The following HUNK variants were observed in gnomAD, a reference collection of about 807,000 sequenced individuals.
HUNK encodes hormonally up-regulated neu tumor-associated kinase.
In HUNK, 21 loss-of-function variants were observed where a neutral mutation model predicts 61.0. The ratio of observed to expected loss-of-function variants is 0.34; its 90% CI spans 0.24 to 0.50. The LOEUF (loss-of-function observed/expected upper bound fraction) is 0.50, where lower values mean the gene tolerates loss of function less well. Among genes scored for constraint, HUNK ranks in the 20% least tolerant of loss-of-function variants. The pLI is 0.98. For missense variants in HUNK, 772 were observed against 945.7 expected, an observed-to-expected ratio of 0.82 and a Z score of 2.41; for synonymous variants, 371 against 386.1, an observed-to-expected ratio of 0.96 and a Z score of 0.46.
intron 4 of HUNK, among the ~76,000 whole-genome samples, chr21:31,954,480 A>C (rs895351543): frequency 6.6e-6 from 1 of 152,256 alleles, no homozygotes; most frequent in Non-Finnish European, 1.5e-5. Context: ...GTTAAATAGA[A>C]CCAAGAGTAA....
chr21:31,925,329 A>G (rs897579836), intron 2 of HUNK, among the ~76,000 whole-genome samples: 2 of 152,132 alleles, frequency 1.3e-5, no homozygotes, highest in African/African-American at 4.8e-5. Context: ...CTTCTCTCTC[A>G]GTTGGAGTAA....
chr21:31,968,407 A>G, intron 6 of HUNK, 22 bp downstream of exon 6: 2 of 1,613,910 alleles, frequency 1.2e-6, no homozygotes, highest in South Asian at 1.1e-5. Flanking sequence ...CACCCAGAGG[A>G]ACTCCTCGGG....
chr21:31,930,869 T>C (rs1024678897), intron 2 of HUNK, among the ~76,000 whole-genome samples: 3 of 152,166 alleles, frequency 2.0e-5, no homozygotes, highest in African/African-American at 7.2e-5. Flanking sequence ...TTCTAGTGAA[T>C]GGGTCTTTCA....
At chr21:31,962,072 C>T (rs1400352156) in intron 5 of HUNK, among the ~76,000 whole-genome samples, 2 of 152,222 alleles carry the variant, frequency 1.3e-5, no homozygotes, top group Admixed American at 6.5e-5. Flanking sequence ...ATTTCTGGTT[C>T]ATGCAGAGGG....
At chr21:31,902,518 A>AT (rs2052475883) in intron 1 of HUNK, among the ~76,000 whole-genome samples, 1 of 152,164 alleles carries the variant, frequency 6.6e-6, no homozygotes, top group Non-Finnish European at 1.5e-5. Context: ...CTCCAAAAAA[A>AT]AAAATCTTCT....
At chr21:31,952,205 C>CT (rs11284285) in intron 4 of HUNK, among the ~76,000 whole-genome samples, 122 of 147,892 alleles carry the variant, frequency 8.2e-4, no homozygotes, top group East Asian at 1.4e-3. Context: ...AGTCTACTTT[C>CT]TTTTTTTTTT....
chr21:31,950,214 G>C (rs992554163), intron 4 of HUNK, among the ~76,000 whole-genome samples: 6 of 152,186 alleles, frequency 3.9e-5, no homozygotes, highest in African/African-American at 1.4e-4. Flanking sequence ...GGAACAAGAT[G>C]GAGTGGCCTC....
At position 31,974,627 on chromosome 21, in the gene HUNK, C is replaced by T. The variant is rs762567981; in HGVS notation, c.1083C>T (p.Asp361=). 1.1e-5 allele frequency: 17 copies of T among 1,613,746 alleles called. No homozygotes were observed. Among genetic ancestry groups the T allele is most frequent in the African/African-American group, 4.0e-5 (3 of 74,792 alleles). Residue 361 remains aspartate, a synonymous_variant, in exon 7 of 11, where the codon GAC becomes GAT. Transcript: ENST00000270112. ...AGAAGCTGGGTTACAAGAACAGCGA[C>T]GTGATCAACACTGTGCTCTCCAACC... ...MTEKLGYKNS[D]VINTVLSNRA... is the part of the protein sequence containing the mutation.
intron 10 of HUNK, among the ~76,000 whole-genome samples, chr21:31,998,119 A>G (rs1310004209): frequency 1.3e-5 from 2 of 152,088 alleles, no homozygotes; most frequent in Non-Finnish European, 2.9e-5. Context: ...GGGTCTTGCC[A>G]TATTGCTCAC....
Position 31,995,709 on chromosome 21 carries a change from G to A in HUNK, c.1306-59G>A, listed in dbSNP as rs1344754793. 1.9e-5 allele frequency: 26 copies of A among 1,358,962 alleles called. No homozygotes were observed. In the East Asian group the frequency reaches 6.0e-4, roughly 31 times the overall value. The allele number at this position is 1,358,962 out of a possible 1,614,324, so 84.2% of individuals were successfully genotyped here. ...TCAGTTTGGATGACTTTTCAAAGAG[G>A]AATCCCATTGTGTCTTCTAGTATGT... On this transcript the variant is annotated intron_variant, in intron 9 of 10. Coordinates refer to ENST00000270112, the MANE Select transcript of HUNK (RefSeq NM_014586.2).
intron 1 of HUNK, among the ~76,000 whole-genome samples, chr21:31,907,544 C>T (rs1301047862): frequency 6.6e-6 from 1 of 152,096 alleles, no homozygotes; most frequent in Non-Finnish European, 1.5e-5. Context: ...TCCCTCTGAA[C>T]CAAGAGTGAT....
rs759201238 is a variant in HUNK at position 31,924,752 on chromosome 21, G to T, written c.546G>T (p.Val182=). 12 of 1,605,032 alleles carry T rather than the reference G, an allele frequency of 7.5e-6. No homozygotes were observed. The African/African-American group carries it at 1.5e-4, about 20-fold the overall frequency. Residue 182 remains valine, a synonymous_variant, in exon 2 of 11, where the codon GTG becomes GTT. Coordinates refer to ENST00000270112, the MANE Select transcript of HUNK (RefSeq NM_014586.2). This position sits in a 1 kb window ranked among gnomAD's most constrained non-coding sequence, Gnocchi z 5.1. ...TAGAGCACCTGCACCGGGCCGGGGT[G>T]GTCCACAGGTAAGGGCCAGGCCACG... ...SAVEHLHRAG[V]VHRDLKIENL...
chr21:31,944,755 T>G (rs572494705), intron 3 of HUNK, among the ~76,000 whole-genome samples: 141 of 152,298 alleles, frequency 9.3e-4, no homozygotes, highest in African/African-American at 3.3e-3. Context: ...CATTCCCTCT[T>G]ATAGTTTGGG....
At chr21:31,951,502 C>A (rs960444576) in intron 4 of HUNK, among the ~76,000 whole-genome samples, 6 of 152,038 alleles carry the variant, frequency 3.9e-5, no homozygotes, top group African/African-American at 1.4e-4. Context: ...GAGAATGCAA[C>A]GTTGTTGGAC....
chr21:31,975,095 C>T (rs2053039445), intron 7 of HUNK, among the ~76,000 whole-genome samples: 1 of 152,042 alleles, frequency 6.6e-6, no homozygotes. Flanking sequence ...GCAGTGCCTC[C>T]CGGGCATTTG....
chr21:31,999,282 G>A lies in HUNK; in HGVS notation c.*98G>A, dbSNP rs2053230002. On this transcript the variant is annotated 3_prime_UTR_variant, in exon 11 of 11. Transcript: ENST00000270112. Reference sequence around the variant, plus strand: ...TGAGCACTCCAAGGCCTCGCGTGGAGCATCCTTAGTCCCACCTGTAGCTGA... The same window carrying A: ...TGAGCACTCCAAGGCCTCGCGTGGAACATCCTTAGTCCCACCTGTAGCTGA... 3 of 1,114,292 alleles carry A rather than the reference G, an allele frequency of 2.7e-6. No individual in the cohort carries two copies. The highest frequency in any genetic ancestry group is 1.5e-5 in the South Asian group (1 of 64,838). The allele number at this position is 1,114,292 out of a possible 1,614,324, so 69.0% of individuals were successfully genotyped here. A position where few individuals can be genotyped will look rare whatever the true frequency, so the allele number is the denominator to read the frequency against.
intron 1 of HUNK, among the ~76,000 whole-genome samples, chr21:31,874,963 C>T (rs1169831344): frequency 2.0e-5 from 3 of 152,140 alleles, no homozygotes; most frequent in African/African-American, 4.8e-5. Flanking sequence ...TGGAGCTGCC[C>T]GAGCTCAGAG....
chr21:31,990,810 A>G (rs1370517183), intron 9 of HUNK, among the ~76,000 whole-genome samples: 8 of 152,198 alleles, frequency 5.3e-5, no homozygotes, highest in African/African-American at 1.9e-4. Flanking sequence ...TGCTAGGATT[A>G]TAGGTGTGAG....
At chr21:31,929,609 A>G (rs1314892451) in intron 2 of HUNK, among the ~76,000 whole-genome samples, 2 of 152,228 alleles carry the variant, frequency 1.3e-5, no homozygotes, top group Non-Finnish European at 2.9e-5. Flanking sequence ...ACAAAGTCCA[A>G]TCAAACTATA....
Sources: gnomAD v4.1 joint callset for allele counts (sites outside exome capture counted in the v4.1 genomes callset) on GRCh38, gnomAD v4.1.1 for gene constraint, Gnocchi (gnomAD v3.1) non-coding constraint, MANE v1.5 for transcripts, NCBI Gene and HGNC (gene_info 2026-07-23, HGNC 2026-07-21) for gene names.